NAALADL2: variants seen among roughly 807,000 people sequenced by gnomAD.
NAALADL2 encodes inactive N-acetylated-alpha-linked acidic dipeptidase-like protein 2.
NAALADL2 carries 76 observed loss-of-function variants against 87.2 expected under a neutral mutation model. The observed-to-expected ratio is 0.87, with a 90% CI of 0.72 to 1.05. The LOEUF (loss-of-function observed/expected upper bound fraction) is 1.05, where lower values mean the gene tolerates loss of function less well. Ranked by LOEUF, NAALADL2 falls within the 50% of genes least tolerant of loss-of-function variation. The pLI is 0.00. For synonymous variants in NAALADL2, 354 were observed against 331.0 expected (o/e 1.07, Z -0.75); for missense variants, 1,089 against 945.8 (o/e 1.15, Z -1.99).
chr3:175,354,347 A>G (rs1764108265), intron 5 of NAALADL2, among the ~76,000 whole-genome samples: 1 of 152,186 alleles, frequency 6.6e-6, no homozygotes, highest in African/African-American at 2.4e-5. Flanking sequence ...CAAGTGAAAC[A>G]TTAAATATTT....
chr3:174,646,964 T>C (rs930096849), intron 2 of NAALADL2, among the ~76,000 whole-genome samples: 1 of 152,192 alleles, frequency 6.6e-6, no homozygotes. Flanking sequence ...TTTTTAATGG[T>C]ACATCTAACT....
intron 13 of NAALADL2, among the ~76,000 whole-genome samples, chr3:175,796,034 T>C (rs1276393913): frequency 1.8e-5 from 2 of 112,892 alleles, no homozygotes; most frequent in African/African-American, 1.2e-4. Context: ...TAACCCCTTA[T>C]TGTTCTTATT....
At chr3:175,532,530 G>A (rs930226059) in intron 9 of NAALADL2, among the ~76,000 whole-genome samples, 3 of 152,106 alleles carry the variant, frequency 2.0e-5, no homozygotes, top group Non-Finnish European at 2.9e-5. Flanking sequence ...TTGTCCATTC[G>A]ACCTAGAAGT....
rs538018682 is a variant in NAALADL2, at chr3:175,031,469, G to A, written c.44-65321G>A. Among the ~76,000 whole-genome samples the A allele has an allele frequency of 2.4e-4, 37 of 152,106 alleles. No homozygotes were observed. The East Asian group carries it at 3.1e-3, about 13-fold the overall frequency. ...TGATTTCATTCTTTTTTATTGCTGC[G>A]TAGTATTCCATGGTGTATGTGTACC... On this transcript the variant is annotated intron_variant, in intron 1 of 13. Coordinates refer to ENST00000454872, the MANE Select transcript of NAALADL2 (RefSeq NM_207015.3).
At chr3:174,536,569 A>C (rs914315369) in intron 1 of NAALADL2, 27 of 152,146 alleles carry the variant, frequency 1.8e-4, no homozygotes, top group African/African-American at 6.3e-4. Context: ...CTCCTTTTAG[A>C]ATACTGTGTG....
At chr3:175,677,487 GTGTGT>G (rs1734974192) in intron 11 of NAALADL2, among the ~76,000 whole-genome samples, 1 of 149,746 alleles carries the variant, frequency 6.7e-6, no homozygotes, top group Non-Finnish European at 1.5e-5. Context: ...GGGTGTGTGT[GTGTGT>G]GTGTGTGTGT....
chr3:175,273,453 A>G lies in NAALADL2; in HGVS notation c.939+16923A>G, dbSNP rs550266999. 1.6e-4 allele frequency among the ~76,000 whole-genome samples: 25 copies of G among 152,262 alleles called. No individual in the cohort carries two copies. In the South Asian group the frequency reaches 4.8e-3, roughly 29 times the overall value. ...CTGAACCAATACCAAGGATTTTTCA[A>G]TTGCTACTCTAGGTTACCTTCCATG... On this transcript the variant is annotated intron_variant, in intron 4 of 13. Coordinates refer to ENST00000454872, the MANE Select transcript of NAALADL2 (RefSeq NM_207015.3).
At chr3:175,799,746 G>C (rs1252194316) in intron 13 of NAALADL2, among the ~76,000 whole-genome samples, 3 of 152,062 alleles carry the variant, frequency 2.0e-5, no homozygotes, top group Non-Finnish European at 4.4e-5. Flanking sequence ...AAGTCATTTT[G>C]AGATATCATC....
At chr3:174,762,987 G>A (rs1713244476) in intron 3 of NAALADL2, among the ~76,000 whole-genome samples, 1 of 152,042 alleles carries the variant, frequency 6.6e-6, no homozygotes, top group Admixed American at 6.6e-5. Context: ...ATGTAAGTGG[G>A]AAGTTACAAA....
intron 1 of NAALADL2, among the ~76,000 whole-genome samples, chr3:175,001,586 T>C (rs1181153840): frequency 6.6e-6 from 1 of 152,306 alleles, no homozygotes; most frequent in Non-Finnish European, 1.5e-5. Context: ...AACTCTTTTC[T>C]TGACCATTTA....
intron 1 of NAALADL2, among the ~76,000 whole-genome samples, chr3:174,971,517 T>C (rs1743633855): frequency 6.6e-6 from 1 of 152,144 alleles, no homozygotes; most frequent in African/African-American, 2.4e-5. Context: ...TTTCCTTCAG[T>C]CTCAACTTCC....
intron 6 of NAALADL2, chr3:175,460,205 C>T (rs1043671189): frequency 1.1e-5 from 5 of 455,726 alleles, no homozygotes; most frequent in African/African-American, 8.0e-5. Context: ...TTATTCAAGA[C>T]TTTCTGATAT....
chr3:175,029,452 C>T (rs1035628908), intron 1 of NAALADL2, among the ~76,000 whole-genome samples: 1 of 152,024 alleles, frequency 6.6e-6, no homozygotes, highest in South Asian at 2.1e-4. Context: ...ATCTGCATAA[C>T]TCTCTCTGAT....
intron 9 of NAALADL2, among the ~76,000 whole-genome samples, chr3:175,551,564 TGA>T (rs1337366843): frequency 2.6e-5 from 4 of 152,160 alleles, no homozygotes; most frequent in African/African-American, 9.7e-5. Flanking sequence ...CCTCTCAAAG[TGA>T]GAGTTATTCT....
chr3:175,485,921 T>C (rs562374412), intron 9 of NAALADL2, among the ~76,000 whole-genome samples: 14 of 152,246 alleles, frequency 9.2e-5, no homozygotes, highest in African/African-American at 2.9e-4. Context: ...TTCTCTGCCA[T>C]GTGAGGATAC....
chr3:174,572,241 C>T (rs1715013404), intron 2 of NAALADL2, among the ~76,000 whole-genome samples: 1 of 152,054 alleles, frequency 6.6e-6, no homozygotes, highest in South Asian at 2.1e-4. Context: ...GTGATCACTT[C>T]AGTTTCCCAA....
chr3:175,181,779 G>GTA (rs1218997152), intron 2 of NAALADL2, among the ~76,000 whole-genome samples: 2 of 140,192 alleles, frequency 1.4e-5, no homozygotes, highest in African/African-American at 2.7e-5. Context: ...GTGTATATAT[G>GTA]TATATATATG....
chr3:175,125,082 G>T (rs1309606599), intron 2 of NAALADL2, among the ~76,000 whole-genome samples: 1 of 151,940 alleles, frequency 6.6e-6, no homozygotes, highest in Non-Finnish European at 1.5e-5. Context: ...GATCTGCATT[G>T]TTCAGTATAG....
chr3:174,603,828 A>G (rs1210172642), intron 2 of NAALADL2, among the ~76,000 whole-genome samples: 1 of 151,922 alleles, frequency 6.6e-6, no homozygotes, highest in Admixed American at 6.6e-5. Context: ...TCTACTGGCC[A>G]TTCAGGAGTG....
Sources: allele counts gnomAD v4.1 joint callset (sites outside exome capture counted in the v4.1 genomes callset), GRCh38; gene constraint gnomAD v4.1.1; transcripts MANE v1.5; gene names NCBI Gene and HGNC (gene_info 2026-07-23, HGNC 2026-07-21).